Variants in IQCB1 observed in about 807,000 individuals in gnomAD.
IQCB1 encodes the protein IQ motif containing B1, also known as IQ calmodulin-binding motif-containing protein 1.
A neutral mutation model predicts 84.4 loss-of-function variants in IQCB1; 56 were observed. That is an observed-to-expected ratio of 0.66 (90% CI 0.54 to 0.83). The LOEUF is 0.83. Among genes scored for constraint, IQCB1 ranks in the 40% least tolerant of loss-of-function variants. The probability of loss-of-function intolerance (pLI) is 0.00; values close to 1 mark genes in which losing one functional copy is unlikely to be tolerated. For synonymous variants in IQCB1, 210 were observed against 234.8 expected, an observed-to-expected ratio of 0.89 and a Z score of 0.96; for missense variants, 629 against 682.1, an observed-to-expected ratio of 0.92 and a Z score of 0.87.
chr3:121,811,247 G>A (rs1045911028), intron 5 of IQCB1, among the ~76,000 whole-genome samples: 5 of 152,078 alleles, frequency 3.3e-5, no homozygotes, highest in South Asian at 2.1e-4. Flanking sequence ...CAGATACTAC[G>A]TTTTTCCCAT....
intron 8 of IQCB1, among the ~76,000 whole-genome samples, chr3:121,798,356 A>G (rs1489657390): frequency 1.3e-5 from 2 of 151,938 alleles, no homozygotes; most frequent in East Asian, 3.8e-4. Flanking sequence ...CCCTATGTTA[A>G]TAAGTATATT....
intron 5 of IQCB1, among the ~76,000 whole-genome samples, chr3:121,818,740 A>G (rs1258314329): frequency 1.3e-5 from 2 of 152,248 alleles, no homozygotes; most frequent in African/African-American, 4.8e-5. Flanking sequence ...TGCAGGCAAT[A>G]AAGGTCAGAA....
chr3:121,828,899 G>A lies in IQCB1; in HGVS notation c.62C>T (p.Pro21Leu), dbSNP rs370459157. The A allele has an allele frequency of 5.0e-6, 8 of 1,610,980 alleles. No homozygotes were observed. The African/African-American group carries it at 1.1e-4, about 22-fold the overall frequency. The change falls in exon 3 of 15, where the codon CCT becomes CTT. Residue 21 changes from proline (P) to leucine (L), a missense_variant. Pro to Leu is a moderately conservative substitution (Grantham distance 98, BLOSUM62 -3). Transcript: ENST00000310864. ...LSIAAEVAKS[P>L]EQNVPVILLK... ...CAGTATAACAGGGACATTCTGCTCA[G>A]GGCTTTTTGCAACTTCAGCAGCTAT...
chr3:121,799,150 A>G lies in IQCB1; in HGVS notation c.766+46T>C, dbSNP rs12492214. 153,515 of 1,457,066 alleles carry G rather than the reference A, an allele frequency of 0.11. 8,554 individuals are homozygous for G. Among genetic ancestry groups the G allele is most frequent in the South Asian group, 0.16 (13,644 of 85,916 alleles). 90.3% of individuals were successfully genotyped at this position (1,457,066 alleles called of 1,614,324 possible). A position where few individuals can be genotyped will look rare whatever the true frequency, so the allele number is the denominator to read the frequency against. On this transcript the variant is annotated intron_variant, in intron 8 of 14. Coordinates refer to ENST00000310864, the MANE Select transcript of IQCB1 (RefSeq NM_001023570.4). ...TGTTTTTCATAAACCATCAATAAAA[A>G]TTTTCTTTTTGAGAATCCCAAGAAA...
At chr3:121,826,357 A>G (rs1950467370) in intron 4 of IQCB1, among the ~76,000 whole-genome samples, 177 bp from the exon 5 acceptor site, 1 of 152,212 alleles carries the variant, frequency 6.6e-6, no homozygotes, top group South Asian at 2.1e-4. Flanking sequence ...AGTGGTATGG[A>G]CCATGCTTGT....
At position 121,811,553 on chromosome 3, in the gene IQCB1, C is replaced by T. The variant is rs570571450; in HGVS notation, c.394-2544G>A. Reference sequence around the variant, plus strand: ...CGCTCCCAGCACAACAGTCTGAAGTCGACCAACCTGGGACAACTGAGCTTG... The same window carrying T: ...CGCTCCCAGCACAACAGTCTGAAGTTGACCAACCTGGGACAACTGAGCTTG... On this transcript the variant is annotated intron_variant, in intron 5 of 14. Transcript: ENST00000310864. Among the ~76,000 whole-genome samples, 3 of 152,286 alleles carry T rather than the reference C, an allele frequency of 2.0e-5. No homozygotes were observed. In the East Asian group the frequency reaches 5.8e-4, roughly 29 times the overall value.
intron 12 of IQCB1, among the ~76,000 whole-genome samples, chr3:121,786,170 C>CAAGAAAAGAAAAGAAAAGAAAAGAAAAG: frequency 1.4e-5 from 1 of 72,878 alleles, no homozygotes; most frequent in Admixed American, 1.9e-4. Context: ...GATTCTGTCT[C>CAAGAAAAGAAAAGAAAAGAAAAGAAAAG]AAAAGAAAAG....
At chr3:121,813,807 C>A (rs551631009) in intron 5 of IQCB1, among the ~76,000 whole-genome samples, 33 of 152,250 alleles carry the variant, frequency 2.2e-4, no homozygotes, top group African/African-American at 7.5e-4. Context: ...GACTTAGACT[C>A]CCACACAATA....
chr3:121,828,641 A>T lies in IQCB1; in HGVS notation c.101-9T>A, dbSNP rs753647177. 24 of 1,573,174 alleles carry T rather than the reference A, an allele frequency of 1.5e-5. No homozygotes were observed. Among genetic ancestry groups the T allele is most frequent in the Non-Finnish European group, 2.0e-5 (23 of 1,143,874 alleles). On this transcript the variant is annotated splice_polypyrimidine_tract_variant and intron_variant, in intron 3 of 14. Coordinates refer to ENST00000310864, the MANE Select transcript of IQCB1 (RefSeq NM_001023570.4). Reference sequence around the variant, plus strand: ...TGTGATGTTTATTATTTCTAAGGCAAAAGGAAATAAGATATATTTATTTTT... The same window carrying T: ...TGTGATGTTTATTATTTCTAAGGCATAAGGAAATAAGATATATTTATTTTT...
At chr3:121,790,050 A>C in intron 11 of IQCB1, 23 bp downstream of exon 11, 1 of 1,602,400 alleles carries the variant, frequency 6.2e-7, no homozygotes, top group Non-Finnish European at 8.6e-7. Flanking sequence ...TCTTATATTG[A>C]TAAAGTTGAT....
At chr3:121,795,612 A>C in intron 9 of IQCB1, 46 bp from the exon 10 acceptor site, 1 of 73,928 alleles carries the variant, frequency 1.4e-5, no homozygotes, top group Non-Finnish European at 2.4e-5. Context: ...GAAGGTCTTT[A>C]AAAAAAAAAA....
chr3:121,798,704 C>A (rs947806825), intron 8 of IQCB1, among the ~76,000 whole-genome samples: 3 of 151,852 alleles, frequency 2.0e-5, no homozygotes, highest in African/African-American at 7.2e-5. Context: ...CTCCTTTTAT[C>A]CTCAAAATTT....
intron 4 of IQCB1, among the ~76,000 whole-genome samples, chr3:121,827,735 C>G (rs189510176): frequency 6.6e-6 from 1 of 152,150 alleles, no homozygotes; most frequent in Admixed American, 6.5e-5. Flanking sequence ...CCAAGACAAA[C>G]CCTTTCAGTG....
rs753164790 is a variant in IQCB1, at chr3:121,807,455, G to GAAAAA, written c.488-17_488-13dup. On this transcript the variant is annotated splice_polypyrimidine_tract_variant and intron_variant, in intron 6 of 14. Transcript: ENST00000310864. ...ATCACTTTGTAGTACTAAAGGAAAAGAAAAAAAAAGAAAGATTAAAGTAAA... is the reference window on the plus strand; with the variant it reads ...ATCACTTTGTAGTACTAAAGGAAAAGAAAAAAAAAAAAAAGAAAGATTAAAGTAAA... The GAAAAA allele has an allele frequency of 8.5e-7, 1 of 1,181,954 alleles. No homozygotes were observed. Among genetic ancestry groups the GAAAAA allele is most frequent in the African/African-American group, 1.5e-5 (1 of 64,646 alleles). The allele number at this position is 1,181,954 out of a possible 1,614,324, so 73.2% of individuals were successfully genotyped here. A position where few individuals can be genotyped will look rare whatever the true frequency, so the allele number is the denominator to read the frequency against.
chr3:121,812,929 T>A (rs987492579), intron 5 of IQCB1, among the ~76,000 whole-genome samples: 1 of 152,108 alleles, frequency 6.6e-6, no homozygotes, highest in African/African-American at 2.4e-5. Flanking sequence ...ACCACTAAGA[T>A]ACTCCTCGAG....
At chr3:121,801,562 T>G (rs567010578) in intron 7 of IQCB1, among the ~76,000 whole-genome samples, 23 of 152,154 alleles carry the variant, frequency 1.5e-4, no homozygotes, top group African/African-American at 4.8e-4. Flanking sequence ...ATAATTTTTG[T>G]TTTAAACAGC....
chr3:121,803,836 T>C (rs986764364), intron 7 of IQCB1, among the ~76,000 whole-genome samples: 25 of 152,226 alleles, frequency 1.6e-4, no homozygotes, highest in African/African-American at 5.5e-4. Flanking sequence ...TGTGTCTTTA[T>C]ATCTAAGGTG....
chr3:121,810,875 T>C (rs933002705), intron 5 of IQCB1, among the ~76,000 whole-genome samples: 3 of 152,194 alleles, frequency 2.0e-5, no homozygotes, highest in Non-Finnish European at 4.4e-5. Context: ...CTAGCAAATA[T>C]TTATTTAGTG....
At chr3:121,778,007 A>G (rs1328879998) in intron 13 of IQCB1, among the ~76,000 whole-genome samples, 1 of 151,732 alleles carries the variant, frequency 6.6e-6, no homozygotes, top group African/African-American at 2.4e-5. Flanking sequence ...TCCTGAGCTC[A>G]AGTGATCGCC....
Sources: gnomAD v4.1 joint callset for allele counts (sites outside exome capture counted in the v4.1 genomes callset) on GRCh38, gnomAD v4.1.1 for gene constraint, MANE v1.5 for transcripts, NCBI Gene and HGNC (gene_info 2026-07-23, HGNC 2026-07-21) for gene names.